FDFT1: variants seen among roughly 807,000 people sequenced by gnomAD.
FDFT1 encodes farnesyl-diphosphate farnesyltransferase 1.
In FDFT1, 68 loss-of-function variants were observed where a neutral mutation model predicts 46.8. That is an observed-to-expected ratio of 1.45 (90% confidence interval 1.19 to 1.78). The LOEUF is 1.78. Ranked by LOEUF, FDFT1 falls within the 40% of genes most tolerant of loss-of-function variation. The pLI is 0.00. For missense variants in FDFT1, 928 were observed against 524.4 expected (o/e 1.77, Z -7.52); for synonymous variants, 351 against 185.1 (o/e 1.90, Z -7.28).
At chr8:11,825,222 T>G (rs2130835437) in intron 4 of FDFT1, among the ~76,000 whole-genome samples, 1 of 152,282 alleles carries the variant, frequency 6.6e-6, no homozygotes, top group South Asian at 2.1e-4. Flanking sequence ...TTGCCTTCTC[T>G]CATAGTTTTA....
rs1054511924 is a variant in FDFT1, at chr8:11,838,505, C to G, written c.1150C>G (p.Pro384Ala). The G allele has an allele frequency of 6.2e-7, 1 of 1,608,252 alleles. No homozygotes were observed. The highest frequency in any genetic ancestry group is 8.5e-7 in the Non-Finnish European group (1 of 1,176,494). Residue 384 changes from proline (P) to alanine (A), a missense_variant, in exon 8 of 8, where the codon CCC (proline) becomes GCC (alanine). Physicochemically the swap from Pro to Ala is conservative, Grantham distance 27 (BLOSUM62 -1). Coordinates refer to ENST00000220584, the MANE Select transcript of FDFT1 (RefSeq NM_004462.5). ...CQLISRSHYS[P>A]IYLSFVMLLA... Reference sequence around the variant, plus strand: ...GCTGATTTCCCGAAGCCACTACTCCCCCATCTACCTGTCGTTTGTCATGCT... The same window carrying G: ...GCTGATTTCCCGAAGCCACTACTCCGCCATCTACCTGTCGTTTGTCATGCT...
intron 4 of FDFT1, 39 bp downstream of exon 4, chr8:11,821,917 G>C: frequency 1.9e-6 from 3 of 1,602,144 alleles, no homozygotes; most frequent in Non-Finnish European, 2.6e-6. Context: ...TGATGTATTA[G>C]ACAGAGCTGG....
In FDFT1 at chr8:11,832,875, C is replaced by T. The variant is rs182140290; in HGVS notation, c.1032+1205C>T. On this transcript the variant is annotated intron_variant, in intron 7 of 7. Transcript: ENST00000220584. Reference sequence around the variant, plus strand: ...GCCTGAGCTCCCTCCCCAGAGGTTACCTCTGTTCATGGTTTTGTGCATCCG... The same window carrying T: ...GCCTGAGCTCCCTCCCCAGAGGTTATCTCTGTTCATGGTTTTGTGCATCCG... 5.9e-5 allele frequency among the ~76,000 whole-genome samples: 9 copies of T among 152,298 alleles called. No homozygotes were observed. In the East Asian group the frequency reaches 1.2e-3, roughly 20 times the overall value.
upstream of FDFT1, chr8:11,801,674 G>A: frequency 9.9e-6 from 3 of 303,088 alleles, no homozygotes; most frequent in South Asian, 8.0e-5. Context: ...CAGACTGCAG[G>A]ATGGCTTAGG....
chr8:11,829,200 A>C (rs961089786), intron 5 of FDFT1, among the ~76,000 whole-genome samples: 1 of 152,226 alleles, frequency 6.6e-6, no homozygotes, highest in Admixed American at 6.5e-5. Context: ...TTTATTTATA[A>C]TAAATGTACA....
intron 5 of FDFT1, among the ~76,000 whole-genome samples, chr8:11,827,606 A>G (rs534641085): frequency 3.5e-4 from 54 of 152,294 alleles, no homozygotes; most frequent in Middle Eastern, 3.4e-3. Flanking sequence ...AAAAACTTCT[A>G]AAAGTTAAGA....
At chr8:11,806,986 C>G (rs1049996188) in intron 1 of FDFT1, among the ~76,000 whole-genome samples, 1 of 151,160 alleles carries the variant, frequency 6.6e-6, no homozygotes, top group Non-Finnish European at 1.5e-5. Flanking sequence ...AAAGATTGAC[C>G]CTTTTGGCAA....
chr8:11,803,233 A>C (rs1806368268), intron 1 of FDFT1: 1 of 1,384,054 alleles, frequency 7.2e-7, no homozygotes, highest in Non-Finnish European at 9.5e-7. Context: ...CCGGTATTTT[A>C]ACCCGAGGGT....
intron 4 of FDFT1, among the ~76,000 whole-genome samples, chr8:11,822,625 G>A (rs1809421698): frequency 6.6e-6 from 1 of 152,180 alleles, no homozygotes; most frequent in Admixed American, 6.5e-5. Context: ...ACAAGCCTAA[G>A]CAACATAGCG....
At chr8:11,801,958 C>G (rs566430569), upstream of FDFT1, 526 of 454,896 alleles carry the variant, frequency 1.2e-3, 3 homozygotes, top group African/African-American at 9.0e-3. Flanking sequence ...CAAAGTGTTG[C>G]GATTACAGGC....
chr8:11,823,198 C>T (rs1003344691), intron 4 of FDFT1, among the ~76,000 whole-genome samples: 2 of 152,136 alleles, frequency 1.3e-5, no homozygotes, highest in Admixed American at 6.5e-5. Flanking sequence ...TCAAACAGTC[C>T]TCCCACTCTG....
intron 4 of FDFT1, among the ~76,000 whole-genome samples, chr8:11,825,423 C>A (rs1449536920): frequency 6.6e-6 from 1 of 151,640 alleles, no homozygotes; most frequent in Non-Finnish European, 1.5e-5. Flanking sequence ...TGCTTTAATT[C>A]CAGCTACTCA....
chr8:11,838,967 C>A lies in FDFT1; in HGVS notation c.*358C>A, dbSNP rs558506785. On this transcript the variant is annotated 3_prime_UTR_variant, in exon 8 of 8. Transcript: ENST00000220584. Reference sequence around the variant, plus strand: ...ATTAAAAGTATTTAATTTGAAGCACCATTTGAATGTTCGTAATAGTAGAAA... The same window carrying A: ...ATTAAAAGTATTTAATTTGAAGCACAATTTGAATGTTCGTAATAGTAGAAA... The A allele has an allele frequency of 5.2e-4, 112 of 214,506 alleles. 1 individual carries two copies. The highest frequency in any genetic ancestry group is 5.1e-3 in the South Asian group (71 of 14,006). The allele number at this position is 214,506 out of a possible 1,614,324, so 13.3% of individuals were successfully genotyped here. A position where few individuals can be genotyped will look rare whatever the true frequency, so the allele number is the denominator to read the frequency against.
chr8:11,803,350 A>G, intron 1 of FDFT1: 1 of 1,290,884 alleles, frequency 7.7e-7, no homozygotes, highest in Non-Finnish European at 1.0e-6. Flanking sequence ...CGTTTCTGGA[A>G]TGAAGTCTGA....
At position 11,809,652 on chromosome 8, in the gene FDFT1, T is replaced by A. The variant is rs201856725; in HGVS notation, c.198-15T>A. 1.5e-4 allele frequency: 234 copies of A among 1,579,616 alleles called. No homozygotes were observed. The highest frequency in any genetic ancestry group is 1.9e-4 in the Non-Finnish European group (220 of 1,165,190). On this transcript the variant is annotated splice_polypyrimidine_tract_variant and intron_variant, in intron 2 of 7. Transcript: ENST00000220584. Reference sequence around the variant, plus strand: ...TGTTTGTTCCAATATATTAATAGTTTTCCCTTTTTTACAGCAACGCAGTGT... The same window carrying A: ...TGTTTGTTCCAATATATTAATAGTTATCCCTTTTTTACAGCAACGCAGTGT...
chr8:11,803,007 C>G (rs1049859494), intron 1 of FDFT1, 76 bp downstream of exon 1: 68 of 1,530,200 alleles, frequency 4.4e-5, no homozygotes, highest in Non-Finnish European at 5.7e-5. Flanking sequence ...AGCGGCCGGG[C>G]CCGGATCTGG....
At position 11,809,993 on chromosome 8, in the gene FDFT1, C is replaced by G. The variant is rs1382361693; in HGVS notation, c.381+143C>G. On this transcript the variant is annotated intron_variant, in intron 3 of 7. Coordinates refer to ENST00000220584, the MANE Select transcript of FDFT1 (RefSeq NM_004462.5). Reference sequence around the variant, plus strand: ...ATGTGAGGGTTAAAAACTCCGGTAGCCAAGACTCTGAAGCCAGGCTGCCTG... The same window carrying G: ...ATGTGAGGGTTAAAAACTCCGGTAGGCAAGACTCTGAAGCCAGGCTGCCTG... The G allele has an allele frequency of 6.6e-6, 4 of 603,942 alleles. No individual in the cohort carries two copies. The African/African-American group carries it at 7.5e-5, about 11-fold the overall frequency. 37.4% of individuals were successfully genotyped at this position (603,942 alleles called of 1,614,324 possible).
At position 11,826,217 on chromosome 8, in the gene FDFT1, TA is replaced by T; in HGVS notation, c.702+4del. The T allele has an allele frequency of 6.6e-7, 1 of 1,525,784 alleles. No homozygotes were observed. The highest frequency in any genetic ancestry group is 8.9e-7 in the Non-Finnish European group (1 of 1,122,074). 94.5% of individuals were successfully genotyped at this position (1,525,784 alleles called of 1,614,324 possible). ...GGAAGAGAGTTCTGGCCTCAAGAGG[TA>T]ACAGATTCAGGGTATTTTGGGGGAA... On this transcript the variant is annotated splice_donor_region_variant and intron_variant, in intron 5 of 7. Coordinates refer to ENST00000220584, the MANE Select transcript of FDFT1 (RefSeq NM_004462.5).
chr8:11,798,176 C>T (rs1485847128), upstream of FDFT1: 1 of 152,198 alleles, frequency 6.6e-6, no homozygotes, highest in African/African-American at 2.4e-5. Context: ...TCTCCAGCCT[C>T]AGCCTCCCGA....
Sources: allele counts gnomAD v4.1 joint callset (sites outside exome capture counted in the v4.1 genomes callset), GRCh38; gene constraint gnomAD v4.1.1; transcripts MANE v1.5; gene names NCBI Gene and HGNC (gene_info 2026-07-23, HGNC 2026-07-21).